NYAP2: variants seen among roughly 807,000 people sequenced by gnomAD.
NYAP2 encodes neuronal tyrosine-phosphorylated phosphoinositide-3-kinase adaptor 2.
In NYAP2, 23 loss-of-function variants were observed where a neutral mutation model predicts 50.4. The observed-to-expected ratio is 0.46, with a 90% CI of 0.33 to 0.65. The LOEUF (loss-of-function observed/expected upper bound fraction) is 0.65. NYAP2 is among the 30% of genes least tolerant of loss of function. The probability of loss-of-function intolerance (pLI) is 0.02; values close to 1 mark genes in which losing one functional copy is unlikely to be tolerated. For synonymous variants in NYAP2, 394 were observed against 365.2 expected (o/e 1.08, Z -0.90); for missense variants, 885 against 861.0 (o/e 1.03, Z -0.35).
rs1559220920 is a variant in NYAP2 at position 225,582,102 on chromosome 2, T to G, written c.685T>G (p.Ser229Ala). ...GTCGCTGCCGCGGGACTCCTCCTTG[T>G]CCCAGATGGGCAGCCCCGCGGGAGA... Residue 229 changes from serine to alanine, a missense_variant, in exon 5 of 7, where the codon TCC becomes GCC. By Grantham distance (99) the Ser-to-Ala change is moderately conservative. Coordinates refer to ENST00000636099, the Ensembl canonical transcript of NYAP2. This position sits in a 1 kb window ranked among gnomAD's most constrained non-coding sequence, Gnocchi z 7.0. 1.2e-6 allele frequency: 2 copies of G among 1,613,976 alleles called. No individual in the cohort carries two copies. Among genetic ancestry groups the G allele is most frequent in the Admixed American group, 3.3e-5 (2 of 60,022 alleles).
intron 4 of NYAP2, among the ~76,000 whole-genome samples, chr2:225,514,058 C>G (rs1690882434): frequency 6.6e-6 from 1 of 152,104 alleles, no homozygotes; most frequent in Admixed American, 6.5e-5. Context: ...AGCTTATAAT[C>G]ATTTTTAATG....
intron 3 of NYAP2, among the ~76,000 whole-genome samples, chr2:225,508,835 A>G (rs368204261): frequency 6.6e-6 from 1 of 152,206 alleles, no homozygotes; most frequent in Admixed American, 6.5e-5. Flanking sequence ...GATTTGGAAG[A>G]CGGCAGCTGG....
At chr2:225,482,674 C>T (rs947746931) in intron 3 of NYAP2, among the ~76,000 whole-genome samples, 2 of 152,138 alleles carry the variant, frequency 1.3e-5, no homozygotes, top group Non-Finnish European at 2.9e-5. Flanking sequence ...TGCTGCTCCA[C>T]CACCACAGAG....
intron 4 of NYAP2, among the ~76,000 whole-genome samples, chr2:225,522,801 A>T (rs1242628322): frequency 6.6e-6 from 1 of 152,170 alleles, no homozygotes; most frequent in Non-Finnish European, 1.5e-5. Flanking sequence ...AATTTCTAGA[A>T]ACCAGAAAAT....
chr2:225,699,326 G>C, the NYAP2 span: 1 of 151,892 alleles, frequency 6.6e-6, no homozygotes, highest in African/African-American at 2.4e-5. Flanking sequence ...ATGACTTTAG[G>C]GACATGTGTC....
rs541603620 is a variant in NYAP2, at chr2:225,638,131, G to T, written c.1828+11005G>T. 2.4e-4 allele frequency among the ~76,000 whole-genome samples: 36 copies of T among 150,824 alleles called. 1 individual carries two copies. The highest frequency in any genetic ancestry group is 2.4e-3 in the Admixed American group (36 of 15,152). On this transcript the variant is annotated intron_variant, in intron 6 of 6. Transcript: ENST00000636099. ...TTTTAAATAGACTCTAGATATTAGA[G>T]AGAATTTTAAACAGACTCGTGTGTT...
chr2:225,657,284 G>C (rs1157559051), downstream of NYAP2, among the ~76,000 whole-genome samples: 1 of 151,714 alleles, frequency 6.6e-6, no homozygotes, highest in East Asian at 1.9e-4. Flanking sequence ...TAAATTTTTT[G>C]TATTTTTAGT....
chr2:225,575,617 A>AC (rs1559218946), intron 4 of NYAP2, among the ~76,000 whole-genome samples: 5 of 152,156 alleles, frequency 3.3e-5, no homozygotes, highest in African/African-American at 1.2e-4. Context: ...GAGCTTCCTT[A>AC]CAGCATGGTG....
At chr2:225,444,279 G>A (rs865923702) in intron 3 of NYAP2, among the ~76,000 whole-genome samples, 21 of 152,000 alleles carry the variant, frequency 1.4e-4, no homozygotes, top group African/African-American at 4.8e-4. Flanking sequence ...AACATGGCCA[G>A]AATCAATACA....
chr2:225,666,848 GCC>G, the NYAP2 span, among the ~76,000 whole-genome samples: 1 of 121,896 alleles, frequency 8.2e-6, no homozygotes, highest in Non-Finnish European at 1.6e-5. Flanking sequence ...CCCCCTCCAT[GCC>G]CCCCCACCCC....
chr2:225,406,071 AACTCAAT>A (rs1009746470), intron 2 of NYAP2, among the ~76,000 whole-genome samples: 85 of 151,948 alleles, frequency 5.6e-4, no homozygotes, highest in Non-Finnish European at 4.3e-4. Flanking sequence ...ATGCATTTCT[AACTCAAT>A]ACTCACAACA....
intron 6 of NYAP2, among the ~76,000 whole-genome samples, chr2:225,646,130 G>A (rs1347773684): frequency 6.6e-6 from 1 of 152,128 alleles, no homozygotes; most frequent in Non-Finnish European, 1.5e-5. Context: ...AACCTTGTAA[G>A]GATTTGTTTC....
intron 4 of NYAP2, among the ~76,000 whole-genome samples, chr2:225,554,932 TA>T (rs544026647): frequency 7.2e-5 from 11 of 152,218 alleles, no homozygotes; most frequent in African/African-American, 2.4e-4. Context: ...ATTTTATAAA[TA>T]AAAAATAACA....
At chr2:225,673,198 T>A in the NYAP2 span, among the ~76,000 whole-genome samples, 1 of 151,936 alleles carries the variant, frequency 6.6e-6, no homozygotes. Flanking sequence ...CTTACTATCA[T>A]GAGAACAGCA....
chr2:225,499,894 G>T (rs1403964190), intron 3 of NYAP2, among the ~76,000 whole-genome samples: 3 of 152,254 alleles, frequency 2.0e-5, no homozygotes, highest in South Asian at 4.2e-4. Context: ...AACAGAGAAA[G>T]AATACAAGAG....
chr2:225,402,003 T>C (rs540499498), intron 2 of NYAP2, among the ~76,000 whole-genome samples: 1 of 152,154 alleles, frequency 6.6e-6, no homozygotes, highest in South Asian at 2.1e-4. Context: ...TTTTAGACAA[T>C]GTTCTCATTT....
the NYAP2 span, among the ~76,000 whole-genome samples, chr2:225,660,435 G>C: frequency 8.0e-6 from 1 of 125,644 alleles, no homozygotes; most frequent in African/African-American, 2.8e-5. Flanking sequence ...TAGAGACACA[G>C]GATACATTTT....
At chr2:225,673,340 G>A in the NYAP2 span, among the ~76,000 whole-genome samples, 1 of 152,000 alleles carries the variant, frequency 6.6e-6, no homozygotes, top group African/African-American at 2.4e-5. Context: ...TACTGAAGAA[G>A]TTTGAAATAC....
chr2:225,564,190 G>A (rs959489279), intron 4 of NYAP2, among the ~76,000 whole-genome samples: 3 of 151,892 alleles, frequency 2.0e-5, no homozygotes, highest in African/African-American at 7.3e-5. Flanking sequence ...CTTCTGTGTG[G>A]CCCACTGTGG....
Sources: gnomAD v4.1 joint callset for allele counts (sites outside exome capture counted in the v4.1 genomes callset) on GRCh38, gnomAD v4.1.1 for gene constraint, Gnocchi (gnomAD v3.1) non-coding constraint, MANE v1.5 for transcripts, NCBI Gene and HGNC (gene_info 2026-07-23, HGNC 2026-07-21) for gene names.